SKAP1: variants seen among roughly 807,000 people sequenced by gnomAD.
The protein encoded by SKAP1 is src kinase associated phosphoprotein 1, also known as src kinase-associated phosphoprotein 1.
SKAP1 carries 44 observed loss-of-function variants against 58.5 expected under a neutral mutation model. That is an observed-to-expected ratio of 0.75 (90% CI 0.59 to 0.97). SKAP1 has a LOEUF of 0.97. Among genes scored for constraint, SKAP1 ranks in the 50% least tolerant of loss-of-function variants. The pLI is 0.00. For missense variants in SKAP1, 390 were observed against 435.2 expected (o/e 0.90, Z 0.92); for synonymous variants, 127 against 149.7 (o/e 0.85, Z 1.11).
At chr17:48,186,555 G>A (rs1403720047) in intron 6 of SKAP1, among the ~76,000 whole-genome samples, 1 of 151,798 alleles carries the variant, frequency 6.6e-6, no homozygotes, top group Non-Finnish European at 1.5e-5. Flanking sequence ...GCGTGATCTC[G>A]GCTCACCACA....
At chr17:48,150,854 T>C (rs533154774) in intron 11 of SKAP1, among the ~76,000 whole-genome samples, 1 of 152,200 alleles carries the variant, frequency 6.6e-6, no homozygotes, top group Non-Finnish European at 1.5e-5. Context: ...GGTTTGCTCT[T>C]TTCCCTACCC....
At chr17:48,262,959 G>T (rs2065500646) in intron 4 of SKAP1, among the ~76,000 whole-genome samples, 1 of 152,066 alleles carries the variant, frequency 6.6e-6, no homozygotes, top group East Asian at 1.9e-4. Context: ...AATAAAAATT[G>T]TTATCATTTA....
At chr17:48,400,445 A>G (rs1423490776) in intron 1 of SKAP1, among the ~76,000 whole-genome samples, 2 of 152,170 alleles carry the variant, frequency 1.3e-5, no homozygotes, top group Admixed American at 1.3e-4. Flanking sequence ...CAAAAAGGAC[A>G]TTAATAAAAT....
intron 9 of SKAP1, among the ~76,000 whole-genome samples, chr17:48,177,150 C>A (rs1458555406): frequency 6.6e-6 from 1 of 152,144 alleles, no homozygotes; most frequent in Non-Finnish European, 1.5e-5. Flanking sequence ...AAGGTGCACT[C>A]CACATTCCAT....
intron 4 of SKAP1, among the ~76,000 whole-genome samples, chr17:48,196,347 T>C (rs2064629193): frequency 6.6e-6 from 1 of 152,254 alleles, no homozygotes. Flanking sequence ...TTTTAGTATC[T>C]ATATTTCTTA....
intron 4 of SKAP1, among the ~76,000 whole-genome samples, chr17:48,269,375 C>G (rs907717819): frequency 2.0e-5 from 3 of 152,118 alleles, no homozygotes; most frequent in Admixed American, 1.3e-4. Context: ...GAGATCTATA[C>G]TAGTCCACTA....
chr17:48,213,246 G>A (rs971639766), intron 4 of SKAP1, among the ~76,000 whole-genome samples: 3 of 151,060 alleles, frequency 2.0e-5, no homozygotes, highest in African/African-American at 7.3e-5. Flanking sequence ...GGAGGCTGAG[G>A]TAGGAGAATC....
intron 11 of SKAP1, among the ~76,000 whole-genome samples, chr17:48,153,714 C>T (rs1427488544): frequency 6.6e-6 from 1 of 151,838 alleles, no homozygotes; most frequent in Admixed American, 6.6e-5. Context: ...AGTTTCATCA[C>T]ACTGTTTGGG....
chr17:48,383,714 CTTTT>C (rs554578193), intron 2 of SKAP1, among the ~76,000 whole-genome samples: 62 of 111,630 alleles, frequency 5.6e-4, no homozygotes, highest in Admixed American at 7.5e-4. Context: ...AATCTCTGCC[CTTTT>C]TTTTTTTTTT....
intron 11 of SKAP1, among the ~76,000 whole-genome samples, chr17:48,141,825 C>T (rs1489284425): frequency 6.6e-6 from 1 of 152,192 alleles, no homozygotes; most frequent in Non-Finnish European, 1.5e-5. Flanking sequence ...GCTCCCTCAC[C>T]TTGGAACCTT....
intron 4 of SKAP1, among the ~76,000 whole-genome samples, chr17:48,214,204 C>T (rs916857426): frequency 2.6e-5 from 4 of 152,198 alleles, no homozygotes; most frequent in Non-Finnish European, 5.9e-5. Flanking sequence ...TCCTCTTCAA[C>T]TTACAGCTTT....
intron 11 of SKAP1, among the ~76,000 whole-genome samples, chr17:48,153,227 T>A (rs2063925532): frequency 6.6e-6 from 1 of 152,220 alleles, no homozygotes; most frequent in Non-Finnish European, 1.5e-5. Flanking sequence ...GATGAGCAAC[T>A]GGGCCTCTTG....
chr17:48,428,205 A>G (rs1173257427), intron 1 of SKAP1, among the ~76,000 whole-genome samples: 2 of 152,136 alleles, frequency 1.3e-5, no homozygotes, highest in African/African-American at 4.8e-5. Flanking sequence ...AAAAAGCCTT[A>G]AAGAAATACA....
chr17:48,197,257 C>CAAAAAAAAAA (rs35979686), intron 4 of SKAP1, among the ~76,000 whole-genome samples: 1 of 97,616 alleles, frequency 1.0e-5, no homozygotes, highest in Non-Finnish European at 2.0e-5. Context: ...GACTCCGACT[C>CAAAAAAAAAA]AAAAAAAAAA....
chr17:48,266,533 CAG>C (rs1191263729), intron 4 of SKAP1, among the ~76,000 whole-genome samples: 1 of 136,322 alleles, frequency 7.3e-6, no homozygotes, highest in Non-Finnish European at 1.5e-5. Flanking sequence ...TTTTTTGAGA[CAG>C]AGTCTCACTC....
intron 4 of SKAP1, among the ~76,000 whole-genome samples, chr17:48,233,874 A>C (rs1213876745): frequency 6.6e-6 from 1 of 152,080 alleles, no homozygotes; most frequent in Non-Finnish European, 1.5e-5. Flanking sequence ...AAAAATGTTT[A>C]CTTAGAGTGG....
intron 4 of SKAP1, among the ~76,000 whole-genome samples, chr17:48,224,827 T>C: frequency 6.6e-6 from 1 of 152,230 alleles, no homozygotes; most frequent in East Asian, 1.9e-4. Context: ...GGTGTGCTTC[T>C]GGCTGAGAGT....
chr17:48,400,388 C>G (rs566137819), intron 1 of SKAP1, among the ~76,000 whole-genome samples: 1 of 152,182 alleles, frequency 6.6e-6, no homozygotes, highest in African/African-American at 2.4e-5. Context: ...TGTGAGCCAC[C>G]ACGCCCAGCC....
intron 9 of SKAP1, among the ~76,000 whole-genome samples, 156 bp from the exon 10 acceptor site, chr17:48,170,815 A>T (rs532350345): frequency 1.2e-4 from 18 of 150,790 alleles, no homozygotes; most frequent in Admixed American, 9.9e-4. Context: ...GGTTCAAGGG[A>T]TTCTCCTGCC....
Sources: allele counts gnomAD v4.1 joint callset (sites outside exome capture counted in the v4.1 genomes callset), GRCh38; gene constraint gnomAD v4.1.1; transcripts MANE v1.5; gene names NCBI Gene and HGNC (gene_info 2026-07-23, HGNC 2026-07-21).